Variants in MTHFD1 observed in about 807,000 individuals in gnomAD.
MTHFD1 encodes the protein methylenetetrahydrofolate dehydrogenase, cyclohydrolase and formyltetrahydrofolate synthetase 1, also known as C-1-tetrahydrofolate synthase, cytoplasmic.
Under a neutral mutation model 110.3 loss-of-function variants are expected in MTHFD1, and 44 were observed. The ratio of observed to expected loss-of-function variants is 0.40; its 90% CI spans 0.31 to 0.51. The LOEUF is 0.51. MTHFD1 is among the 20% of genes least tolerant of loss of function. MTHFD1 has a pLI of 0.60. For synonymous variants in MTHFD1, 402 were observed against 428.8 expected (o/e 0.94, Z 0.77); for missense variants, 909 against 1,173.1 (o/e 0.77, Z 3.29).
chr14:64,414,152 G>A (rs759812189), intron 4 of MTHFD1, among the ~76,000 whole-genome samples: 8 of 151,996 alleles, frequency 5.3e-5, no homozygotes, highest in East Asian at 1.9e-4. Context: ...GCGCCACCAC[G>A]CCCAGCTAAT....
chr14:64,440,636 T>A, intron 18 of MTHFD1: 1 of 318,022 alleles, frequency 3.1e-6, no homozygotes, highest in Non-Finnish European at 6.1e-6. Context: ...AGTGACCTGA[T>A]GTTAAAAGTT....
intron 22 of MTHFD1, among the ~76,000 whole-genome samples, chr14:64,447,454 CTTTT>C (rs34013579): frequency 7.9e-6 from 1 of 127,036 alleles, no homozygotes. Context: ...AGGTCCGGCC[CTTTT>C]TTTTTTTTTT....
chr14:64,430,114 C>T (rs2078146019), intron 12 of MTHFD1, 70 bp from the exon 13 acceptor site: 5 of 1,279,148 alleles, frequency 3.9e-6, no homozygotes, highest in Non-Finnish European at 5.7e-6. Context: ...AATGCATTTG[C>T]ATTTATTTGA....
At position 64,439,157 on chromosome 14, in the gene MTHFD1, G is replaced by C; in HGVS notation, c.1659G>C (p.Lys553Asn). The C allele has an allele frequency of 6.2e-7, 1 of 1,613,872 alleles. No individual in the cohort carries two copies. ...CGATTGGACAGGCTCCAACGGAGAAGGGTCACACACGGACGGTAACAATTT... is the reference window on the plus strand; with the variant it reads ...CGATTGGACAGGCTCCAACGGAGAACGGTCACACACGGACGGTAACAATTT... ...KITIGQAPTE[K>N]GHTRTAQFDI... Residue 553 changes from lysine (K) to asparagine (N), a missense_variant, in exon 17 of 28, where the codon AAG becomes AAC. Around this residue, in one of 3 missense-constraint regions of MTHFD1, gnomAD observed 482 missense variants for 646.0 expected, o/e 0.75. Coordinates refer to ENST00000652337, the MANE Select transcript of MTHFD1 (RefSeq NM_005956.4).
chr14:64,408,572 A>C (rs556610741), intron 2 of MTHFD1, among the ~76,000 whole-genome samples: 1 of 152,292 alleles, frequency 6.6e-6, no homozygotes, highest in Non-Finnish European at 1.5e-5. Context: ...TACAGGCGTG[A>C]GCCACCATGC....
chr14:64,432,675 A>G (rs1035697496), intron 15 of MTHFD1, among the ~76,000 whole-genome samples: 3 of 152,248 alleles, frequency 2.0e-5, no homozygotes, highest in African/African-American at 7.2e-5. Flanking sequence ...GTGCTAGGGA[A>G]CAGATCAATA....
chr14:64,414,969 G>C (rs1027826305), intron 4 of MTHFD1, among the ~76,000 whole-genome samples: 2 of 150,344 alleles, frequency 1.3e-5, no homozygotes, highest in African/African-American at 5.0e-5. Flanking sequence ...AATTACAGTC[G>C]TGAACCACCG....
At chr14:64,425,011 T>C (rs1025859120) in intron 9 of MTHFD1, 80 bp downstream of exon 9, 1 of 1,539,442 alleles carries the variant, frequency 6.5e-7, no homozygotes, top group Non-Finnish European at 8.9e-7. Flanking sequence ...AGTAGAAATG[T>C]CAAAAACCTA....
Position 64,417,963 on chromosome 14 carries a change from T to G in MTHFD1, c.554T>G (p.Leu185Arg). Residue 185 changes from leucine (L) to arginine (R), a missense_variant, in exon 7 of 28, where the codon CTT (leucine) becomes CGT (arginine). This residue lies in a region of MTHFD1 where 424 missense variants were observed against 510.4 expected (regional missense o/e 0.83). Transcript: ENST00000652337. The surrounding 1 kb of genome is among the most constrained non-coding windows in gnomAD (Gnocchi z 4.4). Reference sequence around the variant, plus strand: ...GTTGGGGCCCCGATGCATGACTTGCTTCTGTGGAACAATGCCACAGTGACC... The same window carrying G: ...GTTGGGGCCCCGATGCATGACTTGCGTCTGTGGAACAATGCCACAGTGACC... ...KIVGAPMHDLLLWNNATVTTC... is the reference protein window; with the variant it reads ...KIVGAPMHDLRLWNNATVTTC... The G allele has an allele frequency of 6.2e-7, 1 of 1,614,070 alleles. No individual in the cohort carries two copies. The highest frequency in any genetic ancestry group is 8.5e-7 in the Non-Finnish European group (1 of 1,180,020).
chr14:64,406,520 T>A (rs954028519), intron 2 of MTHFD1, among the ~76,000 whole-genome samples: 1 of 137,508 alleles, frequency 7.3e-6, no homozygotes, highest in Non-Finnish European at 1.5e-5. Flanking sequence ...TGAGACAGGG[T>A]CTCACTCTGT....
intron 1 of MTHFD1, chr14:64,388,769 T>C: frequency 1.8e-6 from 1 of 563,298 alleles, no homozygotes; most frequent in East Asian, 3.0e-5. Flanking sequence ...TGCGGCTTCC[T>C]GGAGCCCCCC....
chr14:64,443,929 C>T (rs1466299970), intron 21 of MTHFD1, among the ~76,000 whole-genome samples: 2 of 152,278 alleles, frequency 1.3e-5, no homozygotes, highest in East Asian at 3.9e-4. Flanking sequence ...TTGCTTCTTG[C>T]TCTGCCTCCA....
chr14:64,406,107 C>T (rs1490293705), intron 2 of MTHFD1, among the ~76,000 whole-genome samples: 3 of 150,854 alleles, frequency 2.0e-5, no homozygotes, highest in African/African-American at 7.3e-5. Flanking sequence ...GGCACGATCT[C>T]GGCGCACTGC....
At chr14:64,391,452 A>C (rs1006670895) in intron 1 of MTHFD1, among the ~76,000 whole-genome samples, 1 of 152,234 alleles carries the variant, frequency 6.6e-6, no homozygotes, top group Non-Finnish European at 1.5e-5. Context: ...GGTGTGAGCC[A>C]CTGCGCCCCC....
At position 64,417,433 on chromosome 14, in the gene MTHFD1, A is replaced by G. The variant is rs1379773733; in HGVS notation, c.479-455A>G. ...AAGAGAAATTTGGGTGAGGAACTGT[A>G]TAAACAAACTTACCAAAGTTAGAAG... is the stretch of plus-strand genomic sequence containing the variant. On this transcript the variant is annotated intron_variant, in intron 6 of 27. Coordinates refer to ENST00000652337, the MANE Select transcript of MTHFD1 (RefSeq NM_005956.4). This position sits in a 1 kb window ranked among gnomAD's most constrained non-coding sequence, Gnocchi z 4.4. Among the ~76,000 whole-genome samples, 1 of 152,256 alleles carries G rather than the reference A, an allele frequency of 6.6e-6. No individual in the cohort carries two copies. Among genetic ancestry groups the G allele is most frequent in the African/African-American group, 2.4e-5 (1 of 41,476 alleles).
chr14:64,453,947 G>A (rs1256146), intron 25 of MTHFD1, 86 bp downstream of exon 25: 143,406 of 821,954 alleles, frequency 0.17, 13,510 homozygotes, highest in Middle Eastern at 0.26. Context: ...GCCCTGCCAA[G>A]TACCCGTTGC....
At chr14:64,414,780 C>T (rs571655500) in intron 4 of MTHFD1, among the ~76,000 whole-genome samples, 4 of 151,892 alleles carry the variant, frequency 2.6e-5, no homozygotes, top group African/African-American at 9.7e-5. Flanking sequence ...ACCTCCACCT[C>T]CCAGGTTCAA....
intron 2 of MTHFD1, among the ~76,000 whole-genome samples, chr14:64,402,806 C>CAA (rs59743260): frequency 4.8e-4 from 72 of 149,108 alleles, no homozygotes; most frequent in South Asian, 1.3e-3. Flanking sequence ...GATCCTGTCT[C>CAA]AAAAAAAAAT....
intron 1 of MTHFD1, among the ~76,000 whole-genome samples, chr14:64,398,909 A>C (rs1251500392): frequency 1.3e-5 from 2 of 152,200 alleles, no homozygotes; most frequent in Non-Finnish European, 2.9e-5. Flanking sequence ...ATCCTAGTGT[A>C]TTGTTGAGAA....
Sources: allele counts gnomAD v4.1 joint callset (sites outside exome capture counted in the v4.1 genomes callset), GRCh38; gene constraint gnomAD v4.1.1; regional missense constraint gnomAD v4.1.1; non-coding constraint Gnocchi (gnomAD v3.1); transcripts MANE v1.5; gene names NCBI Gene and HGNC (gene_info 2026-07-23, HGNC 2026-07-21).